The following SLC41A3 variants were observed in gnomAD, a reference collection of about 807,000 sequenced individuals.
SLC41A3 encodes SLC41A1-like 2.
SLC41A3 carries 44 observed loss-of-function variants against 45.4 expected under a neutral mutation model. The ratio of observed to expected loss-of-function variants is 0.97; its 90% confidence interval spans 0.76 to 1.25. The LOEUF (loss-of-function observed/expected upper bound fraction) is 1.25, where lower values mean the gene tolerates loss of function less well. SLC41A3 is among the 50% of genes most tolerant of loss of function. The pLI, the probability that SLC41A3 is intolerant of heterozygous loss-of-function variation, is 0.00. For synonymous variants in SLC41A3, 256 were observed against 252.4 expected (o/e 1.01, Z -0.13); for missense variants, 550 against 600.6 (o/e 0.92, Z 0.88).
chr3:126,068,270 T>C, intron 1 of SLC41A3, 24 bp from the exon 2 acceptor site: 1 of 1,472,578 alleles, frequency 6.8e-7, no homozygotes, highest in Non-Finnish European at 9.0e-7. Context: ...CACAAAGTTG[T>C]AGGGCCAAGT....
In SLC41A3 at chr3:126,026,193, G is replaced by T; in HGVS notation, c.598+142C>A. ...AGACCCAGCTGGCTCGTCCCACCCT[G>T]CCAGTGAGAACCCTGAGCCCACCAT... is the stretch of plus-strand genomic sequence containing the variant. On this transcript the variant is annotated intron_variant, in intron 5 of 10. Coordinates refer to ENST00000360370, the MANE Select transcript of SLC41A3 (RefSeq NM_017836.4). The surrounding 1 kb of genome is among the most constrained non-coding windows in gnomAD (Gnocchi z 4.2). The T allele has an allele frequency of 3.0e-6, 4 of 1,320,888 alleles. No homozygotes were observed. Among genetic ancestry groups the T allele is most frequent in the Non-Finnish European group, 4.1e-6 (4 of 976,702 alleles). The allele number at this position is 1,320,888 out of a possible 1,614,324, so 81.8% of individuals were successfully genotyped here. A position where few individuals can be genotyped will look rare whatever the true frequency, so the allele number is the denominator to read the frequency against.
intron 1 of SLC41A3, among the ~76,000 whole-genome samples, chr3:126,081,364 G>A (rs557330037): frequency 1.3e-5 from 2 of 152,094 alleles, no homozygotes; most frequent in African/African-American, 4.8e-5. Context: ...GCGGGACAGG[G>A]GGAAAAAGGG....
chr3:126,096,919 C>T (rs6804482), intron 1 of SLC41A3, among the ~76,000 whole-genome samples: 26,020 of 152,080 alleles, frequency 0.17, 2,355 homozygotes, highest in Middle Eastern at 0.26. Flanking sequence ...CTTCCCTCCT[C>T]GGAAGAAAGA....
intron 3 of SLC41A3, among the ~76,000 whole-genome samples, chr3:126,038,873 C>G (rs929555355): frequency 6.6e-6 from 1 of 152,120 alleles, no homozygotes; most frequent in African/African-American, 2.4e-5. Context: ...GAGGTGGGGC[C>G]TGGTGGGAGG....
chr3:126,062,773 T>C (rs932296663), intron 2 of SLC41A3, among the ~76,000 whole-genome samples: 24 of 152,214 alleles, frequency 1.6e-4, no homozygotes, highest in African/African-American at 5.8e-4. Context: ...GGAAGCAACA[T>C]ATTTCTCATC....
chr3:126,078,864 G>A (rs1945007984), intron 1 of SLC41A3: 2 of 152,054 alleles, frequency 1.3e-5, no homozygotes, highest in South Asian at 4.2e-4. Flanking sequence ...CTTGCTCTAG[G>A]ATCTGCCTCT....
intron 2 of SLC41A3, among the ~76,000 whole-genome samples, chr3:126,059,263 G>GA (rs5852464): frequency 0.34 from 3,942 of 11,446 alleles, 1,012 homozygotes; most frequent in Non-Finnish European, 0.39. Flanking sequence ...AAGAAAGAAA[G>GA]AAGAAAGAAA....
chr3:126,073,662 C>T (rs934963122), intron 1 of SLC41A3, among the ~76,000 whole-genome samples: 8 of 151,990 alleles, frequency 5.3e-5, no homozygotes, highest in Admixed American at 3.3e-4. Context: ...ACTAGTAATA[C>T]TGACTCGTGA....
chr3:126,070,379 T>C (rs1180014144), intron 1 of SLC41A3: 3 of 152,214 alleles, frequency 2.0e-5, no homozygotes, highest in Non-Finnish European at 4.4e-5. Flanking sequence ...ACGCAGGGGA[T>C]CTAGGTTGTG....
Position 126,026,567 on chromosome 3 carries a change from C to G in SLC41A3, c.454-88G>C, listed in dbSNP as rs899767053. ...TTCACACCTCACTCACCGCAAGGGG[C>G]CGGGTGCCACATGCTACTGCCTCCT... is the stretch of plus-strand genomic sequence containing the variant. On this transcript the variant is annotated intron_variant, in intron 4 of 10. Coordinates refer to ENST00000360370, the MANE Select transcript of SLC41A3 (RefSeq NM_017836.4). This position sits in a 1 kb window ranked among gnomAD's most constrained non-coding sequence, Gnocchi z 4.2. 6 of 1,495,158 alleles carry G rather than the reference C, an allele frequency of 4.0e-6. No individual in the cohort carries two copies. The African/African-American group carries it at 8.3e-5, about 21-fold the overall frequency. 92.6% of individuals were successfully genotyped at this position (1,495,158 alleles called of 1,614,324 possible). A position where few individuals can be genotyped will look rare whatever the true frequency, so the allele number is the denominator to read the frequency against.
At chr3:126,034,564 C>T (rs1019505349) in intron 3 of SLC41A3, among the ~76,000 whole-genome samples, 9 of 152,208 alleles carry the variant, frequency 5.9e-5, no homozygotes, top group Non-Finnish European at 7.3e-5. Flanking sequence ...GGCCTCAGTC[C>T]ACTCTTGAGT....
At chr3:126,030,591 G>A (rs949775505) in intron 4 of SLC41A3, among the ~76,000 whole-genome samples, 22 of 152,268 alleles carry the variant, frequency 1.4e-4, no homozygotes, top group African/African-American at 5.3e-4. Context: ...CACTCTGCAG[G>A]TACTTATACA....
chr3:126,099,322 T>C (rs764689945), intron 1 of SLC41A3, among the ~76,000 whole-genome samples: 1 of 152,224 alleles, frequency 6.6e-6, no homozygotes, highest in Non-Finnish European at 1.5e-5. Flanking sequence ...AAAATTTCTA[T>C]TCTTTATTTC....
At chr3:126,049,252 T>C (rs1235232376) in intron 3 of SLC41A3, among the ~76,000 whole-genome samples, 2 of 152,158 alleles carry the variant, frequency 1.3e-5, no homozygotes, top group African/African-American at 4.8e-5. Context: ...TTTGGGAGGC[T>C]GAGGCGGGCA....
rs550773645 is a variant in SLC41A3, at chr3:126,006,696, C to T, written c.*320G>A. 4.8e-6 allele frequency: 7 copies of T among 1,460,588 alleles called. No individual in the cohort carries two copies. The African/African-American group carries it at 7.1e-5, about 15-fold the overall frequency. 90.5% of individuals were successfully genotyped at this position (1,460,588 alleles called of 1,614,324 possible). A position where few individuals can be genotyped will look rare whatever the true frequency, so the allele number is the denominator to read the frequency against. On this transcript the variant is annotated 3_prime_UTR_variant, in exon 11 of 11. Coordinates refer to ENST00000360370, the MANE Select transcript of SLC41A3 (RefSeq NM_017836.4). Reference sequence around the variant, plus strand: ...GAGCAAACACACCCTGCAAAGCATACTGGACATGCCTCTTCTTTACCTTCT... The same window carrying T: ...GAGCAAACACACCCTGCAAAGCATATTGGACATGCCTCTTCTTTACCTTCT...
At chr3:126,079,323 A>G (rs779550002) in intron 1 of SLC41A3, among the ~76,000 whole-genome samples, 2 of 151,902 alleles carry the variant, frequency 1.3e-5, no homozygotes, top group Non-Finnish European at 2.9e-5. Context: ...AGCAAAAACC[A>G]AAGGGGAAAA....
At chr3:126,075,658 G>C (rs1361848766) in intron 1 of SLC41A3, among the ~76,000 whole-genome samples, 1 of 152,170 alleles carries the variant, frequency 6.6e-6, no homozygotes, top group South Asian at 2.1e-4. Context: ...ACAGAACTGA[G>C]AGTCTATAAA....
At chr3:126,064,436 T>C (rs931861587) in intron 2 of SLC41A3, among the ~76,000 whole-genome samples, 1 of 152,110 alleles carries the variant, frequency 6.6e-6, no homozygotes, top group African/African-American at 2.4e-5. Context: ...TGCTCCCCAG[T>C]GGCCCCGCAA....
chr3:126,032,785 T>C (rs1386203536), intron 4 of SLC41A3, among the ~76,000 whole-genome samples: 1 of 152,132 alleles, frequency 6.6e-6, no homozygotes, highest in Non-Finnish European at 1.5e-5. Flanking sequence ...TCTAATGTGA[T>C]GGATGGGGGA....
Sources: gnomAD v4.1 joint callset for allele counts (sites outside exome capture counted in the v4.1 genomes callset) on GRCh38, gnomAD v4.1.1 for gene constraint, Gnocchi (gnomAD v3.1) non-coding constraint, MANE v1.5 for transcripts, NCBI Gene and HGNC (gene_info 2026-07-23, HGNC 2026-07-21) for gene names.